The following GABRR1 variants were observed in gnomAD, a reference collection of about 807,000 sequenced individuals.
GABRR1 encodes the protein gamma-aminobutyric acid receptor subunit rho-1.
In GABRR1, 59 loss-of-function variants were observed where a neutral mutation model predicts 55.5. The ratio of observed to expected loss-of-function variants is 1.06; its 90% CI spans 0.86 to 1.32. The LOEUF (loss-of-function observed/expected upper bound fraction) is 1.32. GABRR1 is among the 40% of genes most tolerant of loss of function. GABRR1 has a pLI of 0.00. For synonymous variants in GABRR1, 213 were observed against 226.0 expected (o/e 0.94, Z 0.51); for missense variants, 602 against 619.1 (o/e 0.97, Z 0.29).
In GABRR1 at chr6:89,203,434, C is replaced by A. The variant is rs1298016689; in HGVS notation, c.173+1G>T. 6.2e-7 allele frequency: 1 copy of A among 1,613,178 alleles called. No homozygotes were observed. The highest frequency in any genetic ancestry group is 8.5e-7 in the Non-Finnish European group (1 of 1,179,160). ...CAGTGTGCACGTGCTTATGGCCATA[C>A]CTGACTTGCTTGTGGGCATCTTCAT... On this transcript the variant is annotated splice_donor_variant, in intron 2 of 9. Coordinates refer to ENST00000454853, the MANE Select transcript of GABRR1 (RefSeq NM_002042.5). LOFTEE classifies it high-confidence loss of function.
chr6:89,201,102 T>G, intron 3 of GABRR1, 57 bp downstream of exon 3: 1 of 1,331,666 alleles, frequency 7.5e-7, no homozygotes. Context: ...GCTAATTTCC[T>G]GCCCACAGAC....
chr6:89,183,242 T>G (rs1483014291), intron 7 of GABRR1, among the ~76,000 whole-genome samples: 1 of 151,812 alleles, frequency 6.6e-6, no homozygotes, highest in Non-Finnish European at 1.5e-5. Context: ...CAATATGAAC[T>G]TGGAAACTTG....
chr6:89,229,498 AT>A (rs1773250257), intron 1 of GABRR1, among the ~76,000 whole-genome samples: 2 of 149,530 alleles, frequency 1.3e-5, no homozygotes, highest in South Asian at 4.3e-4. Flanking sequence ...TCTGTAAAGT[AT>A]TTTATTTCTC....
upstream of GABRR1, among the ~76,000 whole-genome samples, chr6:89,221,996 G>C (rs765587179): frequency 6.6e-6 from 1 of 152,206 alleles, no homozygotes; most frequent in Admixed American, 6.5e-5. Context: ...GCTCCAGGAC[G>C]AAGTGCCTTT....
intron 8 of GABRR1, 91 bp downstream of exon 8, chr6:89,181,814 A>G (rs1386362853): frequency 2.7e-5 from 35 of 1,285,646 alleles, no homozygotes; most frequent in Non-Finnish European, 3.6e-5. Context: ...AGGGATACAG[A>G]ATCAATTTGA....
intron 3 of GABRR1, among the ~76,000 whole-genome samples, chr6:89,200,821 G>A (rs1263226097): frequency 6.6e-6 from 1 of 152,180 alleles, no homozygotes; most frequent in Admixed American, 6.5e-5. Context: ...GTCCAAGGTT[G>A]TTATTTCCAA....
chr6:89,180,263 C>G, intron 9 of GABRR1, 29 bp downstream of exon 9: 1 of 1,601,786 alleles, frequency 6.2e-7, no homozygotes, highest in African/African-American at 1.3e-5. Flanking sequence ...CCATCCTGAC[C>G]AGACACTATA....
intron 4 of GABRR1, 123 bp downstream of exon 4, chr6:89,199,239 G>A (rs1332980810): frequency 2.5e-6 from 2 of 811,280 alleles, no homozygotes; most frequent in African/African-American, 3.4e-5. Context: ...TGAAAAAGTA[G>A]TGTGGGGATT....
intron 1 of GABRR1, among the ~76,000 whole-genome samples, chr6:89,225,071 G>A (rs1232802860): frequency 1.2e-4 from 18 of 152,134 alleles, no homozygotes; most frequent in African/African-American, 2.4e-4. Context: ...GAGAGCCACC[G>A]TGCCCAGCCA....
At chr6:89,216,947 T>C (rs1231482671) in intron 1 of GABRR1, among the ~76,000 whole-genome samples, 1 of 152,114 alleles carries the variant, frequency 6.6e-6, no homozygotes, top group Non-Finnish European at 1.5e-5. Context: ...AGAATCTACC[T>C]TTCACCCAGG....
Position 89,178,635 on chromosome 6 carries a change from G to T in GABRR1, c.*135C>A. 1 of 698,506 alleles carries T rather than the reference G, an allele frequency of 1.4e-6. No homozygotes were observed. Among genetic ancestry groups the T allele is most frequent in the Non-Finnish European group, 2.4e-6 (1 of 423,490 alleles). The allele number at this position is 698,506 out of a possible 1,614,324, so 43.3% of individuals were successfully genotyped here. A position where few individuals can be genotyped will look rare whatever the true frequency, so the allele number is the denominator to read the frequency against. On this transcript the variant is annotated 3_prime_UTR_variant, in exon 10 of 10. Transcript: ENST00000454853. The stretch of plus-strand genomic sequence containing the variant: ...TGTCTCGTCAATGTAGCTTTGGAAA[G>T]CTGCAGAAGGGATAGTGAAAACATG...
rs185436805 is a variant in GABRR1 at position 89,198,099 on chromosome 6, G to A, written c.493C>T (p.Arg165Cys). The change falls in exon 5 of 10, where the codon CGC becomes TGC. Residue 165 changes from arginine to cysteine, a missense_variant. Transcript: ENST00000454853. Reference sequence around the variant, plus strand: ...GTGGTGGTGTCGTGGATGAAGGAGCGTTTGGAGTGCACGAAAAACATGTCA... The same window carrying A: ...GTGGTGGTGTCGTGGATGAAGGAGCATTTGGAGTGCACGAAAAACATGTCA... ...VPDMFFVHSK[R>C]SFIHDTTTDN... is the part of the protein sequence containing the mutation. 1.0e-4 allele frequency: 162 copies of A among 1,614,106 alleles called. No individual in the cohort carries two copies. The highest frequency in any genetic ancestry group is 5.6e-4 in the African/African-American group (42 of 75,002).
intron 6 of GABRR1, among the ~76,000 whole-genome samples, chr6:89,189,054 G>GTGTT (rs1278870980): frequency 2.0e-5 from 3 of 152,062 alleles, no homozygotes; most frequent in Admixed American, 2.0e-4. Context: ...GTGTGTGTGT[G>GTGTT]TGTGTGTGTG....
chr6:89,221,612 G>A (rs1384548321), upstream of GABRR1, among the ~76,000 whole-genome samples: 2 of 152,064 alleles, frequency 1.3e-5, no homozygotes, highest in African/African-American at 2.4e-5. Context: ...TTTTATGAAG[G>A]GACTTAAGCA....
intron 1 of GABRR1, among the ~76,000 whole-genome samples, chr6:89,211,267 T>G (rs1477169397): frequency 6.6e-6 from 1 of 152,150 alleles, no homozygotes. Context: ...GCTTTCTCTT[T>G]GTCATGCAAG....
upstream of GABRR1, among the ~76,000 whole-genome samples, chr6:89,218,711 G>A (rs943025087): frequency 6.6e-6 from 1 of 152,188 alleles, no homozygotes; most frequent in South Asian, 2.1e-4. Flanking sequence ...ATTTAACGAG[G>A]TGTGACAAGC....
upstream of GABRR1, among the ~76,000 whole-genome samples, chr6:89,221,978 G>T (rs1008772905): frequency 6.6e-6 from 1 of 152,158 alleles, no homozygotes; most frequent in African/African-American, 2.4e-5. Context: ...CCAGACTGAA[G>T]GGAATCTGCT....
Position 89,201,171 on chromosome 6 carries a change from G to T in GABRR1, c.268C>A (p.Pro90Thr). 6.2e-7 allele frequency: 1 copy of T among 1,613,350 alleles called. No individual in the cohort carries two copies. The highest frequency in any genetic ancestry group is 1.7e-5 in the Admixed American group (1 of 60,014). ...ACACATCCCATACCTCCAAAGCCAG[G>T]CCTCATGCTGAAATCATGGTCATCT... ...RIDDHDFSMRPGFGGPAIPVG... is the reference protein window; with the variant it reads ...RIDDHDFSMRTGFGGPAIPVG... The change falls in exon 3 of 10, where the codon CCT becomes ACT. Residue 90 changes from proline to threonine, a missense_variant. Physicochemically the swap from Pro to Thr is conservative, Grantham distance 38. This residue lies in a region of GABRR1 where 435 missense variants were observed against 424.2 expected (regional missense o/e 1.03). Transcript: ENST00000454853.
chr6:89,229,318 G>T (rs988775330), intron 1 of GABRR1, among the ~76,000 whole-genome samples: 1 of 151,586 alleles, frequency 6.6e-6, no homozygotes, highest in African/African-American at 2.4e-5. Flanking sequence ...ATGTTAGCTG[G>T]TGATTTTGCT....
Sources: allele counts gnomAD v4.1 joint callset (sites outside exome capture counted in the v4.1 genomes callset), GRCh38; gene constraint gnomAD v4.1.1; regional missense constraint gnomAD v4.1.1; transcripts MANE v1.5; gene names NCBI Gene and HGNC (gene_info 2026-07-23, HGNC 2026-07-21).